COMMD7: variants seen among roughly 807,000 people sequenced by gnomAD.
COMMD7 encodes COMM domain containing 7, also known as COMM domain-containing protein 7.
Under a neutral mutation model 34.8 loss-of-function variants are expected in COMMD7, and 28 were observed. That is an observed-to-expected ratio of 0.80 (90% CI 0.60 to 1.10). The LOEUF (loss-of-function observed/expected upper bound fraction) is 1.10. COMMD7 is among the 50% of genes least tolerant of loss of function. The pLI is 0.00. For synonymous variants in COMMD7, 80 were observed against 86.4 expected (o/e 0.93, Z 0.41); for missense variants, 211 against 241.6 (o/e 0.87, Z 0.84).
intron 1 of COMMD7, 84 bp from the exon 2 acceptor site, chr20:32,728,226 A>T (rs180918653): frequency 7.7e-7 from 1 of 1,293,868 alleles, no homozygotes; most frequent in Admixed American, 1.8e-5. Context: ...CATAGCCTTG[A>T]GAGGGAAGAA....
chr20:32,729,358 G>A (rs1334571012), intron 1 of COMMD7, among the ~76,000 whole-genome samples: 1 of 151,232 alleles, frequency 6.6e-6, no homozygotes, highest in Non-Finnish European at 1.5e-5. Flanking sequence ...TAGTAGAGAC[G>A]GGTTTCACCA....
intron 1 of COMMD7, among the ~76,000 whole-genome samples, chr20:32,730,489 A>G (rs569646612): frequency 6.6e-6 from 1 of 152,046 alleles, no homozygotes; most frequent in East Asian, 1.9e-4. Context: ...TGGGAGGCGG[A>G]GGTTGCAGTG....
At chr20:32,739,644 C>CAAAAAAAAAAAAAAAAAAAAAAAAAAA in intron 1 of COMMD7, among the ~76,000 whole-genome samples, 1 of 56,018 alleles carries the variant, frequency 1.8e-5, no homozygotes, top group Non-Finnish European at 3.3e-5. Flanking sequence ...GGCTCTGTAT[C>CAAAAAAAAAAAAAAAAAAAAAAAAAAA]AAAAAAAAAA....
At chr20:32,725,985 C>T (rs1413494731) in intron 3 of COMMD7, among the ~76,000 whole-genome samples, 1 of 150,358 alleles carries the variant, frequency 6.7e-6, no homozygotes, top group Non-Finnish European at 1.5e-5. Context: ...ATCACTTAAG[C>T]CCGGGAGGCG....
chr20:32,735,163 G>A (rs1486564187), intron 1 of COMMD7, among the ~76,000 whole-genome samples: 2 of 147,502 alleles, frequency 1.4e-5, no homozygotes, highest in Non-Finnish European at 3.0e-5. Flanking sequence ...GCTTGAACCC[G>A]GGAGGCAGAG....
chr20:32,733,732 A>C (rs1047697395), intron 1 of COMMD7, among the ~76,000 whole-genome samples: 20 of 150,810 alleles, frequency 1.3e-4, no homozygotes, highest in African/African-American at 2.9e-4. Flanking sequence ...AAAAAAAAAA[A>C]AAATTAGCCA....
intron 3 of COMMD7, among the ~76,000 whole-genome samples, chr20:32,714,174 A>G (rs946339774): frequency 2.0e-5 from 3 of 152,058 alleles, no homozygotes; most frequent in African/African-American, 7.2e-5. Context: ...GAAAAATAGT[A>G]GGGTGGTGCA....
Position 32,739,833 on chromosome 20 carries a change from C to G in COMMD7, c.84+3475G>C, listed in dbSNP as rs1478532083. Among the ~76,000 whole-genome samples the G allele has an allele frequency of 8.6e-5, 12 of 139,422 alleles. 2 individuals carry two copies. The highest frequency in any genetic ancestry group is 1.6e-4 in the Non-Finnish European group (10 of 64,512). 91.5% of individuals were successfully genotyped at this position (139,422 alleles called of 152,430 possible). A position where few individuals can be genotyped will look rare whatever the true frequency, so the allele number is the denominator to read the frequency against. On this transcript the variant is annotated intron_variant, in intron 1 of 8. Transcript: ENST00000278980. ...AGGAGTTCGAGACTACCCTGACCAA[C>G]ATGGCGAAAGCCCATCTCTACTAAA...
intron 1 of COMMD7, among the ~76,000 whole-genome samples, chr20:32,730,769 T>TGCAGAGCCTCTAGC (rs1315203053): frequency 2.0e-5 from 3 of 152,044 alleles, no homozygotes; most frequent in Non-Finnish European, 4.4e-5. Flanking sequence ...CAGTAACACA[T>TGCAGAGCCTCTAGC]GCAGAGCCTC....
chr20:32,715,219 C>T (rs1018616144), intron 3 of COMMD7, among the ~76,000 whole-genome samples: 1 of 150,694 alleles, frequency 6.6e-6, no homozygotes, highest in Non-Finnish European at 1.5e-5. Context: ...CTAGGTGGCT[C>T]ATGCCTATAT....
intron 3 of COMMD7, among the ~76,000 whole-genome samples, chr20:32,718,559 C>T (rs1444718594): frequency 1.3e-5 from 2 of 151,982 alleles, no homozygotes; most frequent in East Asian, 3.9e-4. Context: ...ATCAGCTGGG[C>T]GTGACGGCAT....
chr20:32,711,826 C>T (rs1057222229), intron 3 of COMMD7, among the ~76,000 whole-genome samples: 20 of 105,052 alleles, frequency 1.9e-4, no homozygotes, highest in Admixed American at 1.1e-3. Context: ...TGTGGGGCCT[C>T]TTGGAGGGTG....
chr20:32,729,778 G>C (rs531117032), intron 1 of COMMD7, among the ~76,000 whole-genome samples: 5 of 151,996 alleles, frequency 3.3e-5, no homozygotes, highest in Non-Finnish European at 4.4e-5. Context: ...AGGCTGAAGT[G>C]AGTGGATCAC....
At chr20:32,705,374 ATAT>A (rs1293185857) in intron 5 of COMMD7, among the ~76,000 whole-genome samples, 1,758 of 93,150 alleles carry the variant, frequency 0.019, 32 homozygotes, top group African/African-American at 0.066. Flanking sequence ...ATATATATAT[ATAT>A]TTTTTTTTTT....
At chr20:32,714,152 A>C (rs28536730) in intron 3 of COMMD7, among the ~76,000 whole-genome samples, 104,951 of 151,430 alleles carry the variant, frequency 0.69, 37,016 homozygotes, top group Middle Eastern at 0.82. Context: ...AGAAGGGGGA[A>C]AGTGCCATGG....
At chr20:32,719,182 A>G (rs79996297) in intron 3 of COMMD7, among the ~76,000 whole-genome samples, 505 of 152,338 alleles carry the variant, frequency 3.3e-3, no homozygotes, top group African/African-American at 0.012. Flanking sequence ...GAGAAGCAGG[A>G]TGATCCAAGT....
At chr20:32,703,573 G>A in intron 8 of COMMD7, 115 bp from the exon 9 acceptor site, 1 of 1,473,024 alleles carries the variant, frequency 6.8e-7, no homozygotes. Context: ...ATACATCTAA[G>A]CAGCTCTTGA....
intron 5 of COMMD7, among the ~76,000 whole-genome samples, chr20:32,706,236 G>A (rs189725866): frequency 2.7e-4 from 41 of 151,180 alleles, no homozygotes; most frequent in East Asian, 2.5e-3. Context: ...GAAAGAGGTC[G>A]AGCACAGTAG....
At chr20:32,725,431 G>T (rs150167794) in intron 3 of COMMD7, among the ~76,000 whole-genome samples, 221 of 129,920 alleles carry the variant, frequency 1.7e-3, no homozygotes, top group Middle Eastern at 4.5e-3. Flanking sequence ...ACTGTGTTTT[G>T]TTTTTTTTTT....
Sources: allele counts gnomAD v4.1 joint callset (sites outside exome capture counted in the v4.1 genomes callset), GRCh38; gene constraint gnomAD v4.1.1; transcripts MANE v1.5; gene names NCBI Gene and HGNC (gene_info 2026-07-23, HGNC 2026-07-21).